GPC3: variants seen among roughly 807,000 people sequenced by gnomAD.
GPC3 encodes the protein glypican 3.
GPC3 carries 3 observed loss-of-function variants against 34.4 expected under a neutral mutation model. That is an observed-to-expected ratio of 0.09 (90% CI 0.04 to 0.23). The LOEUF (loss-of-function observed/expected upper bound fraction) is 0.23. Among genes scored for constraint, GPC3 ranks in the 10% least tolerant of loss-of-function variants. The probability of loss-of-function intolerance (pLI) is 1.00; values close to 1 mark genes in which losing one functional copy is unlikely to be tolerated. For missense variants in GPC3, 351 were observed against 445.6 expected, an observed-to-expected ratio of 0.79 and a Z score of 1.91; for synonymous variants, 177 against 174.0, an observed-to-expected ratio of 1.02 and a Z score of -0.13.
chrX:133,693,370 T>C (rs73559367), intron 4 of GPC3, among the ~76,000 whole-genome samples: 5,909 of 111,346 alleles, frequency 0.053, 409 homozygotes, highest in African/African-American at 0.18. Flanking sequence ...GAAGTGGATA[T>C]GTTTAAAAAG....
chrX:133,783,243 T>C (rs764320801), intron 2 of GPC3, among the ~76,000 whole-genome samples: 1 of 111,452 alleles, frequency 9.0e-6, no homozygotes, highest in East Asian at 2.8e-4. Flanking sequence ...AGTCACAACA[T>C]AGGTTGCATT....
chrX:133,690,477 C>G (rs763160749), intron 5 of GPC3, among the ~76,000 whole-genome samples: 1 of 111,172 alleles, frequency 9.0e-6, no homozygotes, highest in Admixed American at 9.6e-5. Flanking sequence ...AACTGAGAGG[C>G]AAATCCAAAT....
At chrX:133,776,798 G>A (rs961636132) in intron 2 of GPC3, among the ~76,000 whole-genome samples, 63 of 109,746 alleles carry the variant, frequency 5.7e-4, no homozygotes, top group African/African-American at 1.8e-3. Flanking sequence ...CACAGTCCAC[G>A]AACTTTGCTC....
intron 7 of GPC3, among the ~76,000 whole-genome samples, chrX:133,550,513 T>C (rs755682979): frequency 8.9e-6 from 1 of 112,014 alleles, no homozygotes; most frequent in South Asian, 3.8e-4. Flanking sequence ...CTGTGCTTCA[T>C]TGAAGAAAGA....
chrX:133,846,578 T>C (rs1176256051), intron 2 of GPC3, among the ~76,000 whole-genome samples: 1 of 111,625 alleles, frequency 9.0e-6, no homozygotes, highest in Non-Finnish European at 1.9e-5. Flanking sequence ...TACTGAACTT[T>C]TGAACTAGTC....
At chrX:133,568,806 C>G (rs1351080886) in intron 7 of GPC3, among the ~76,000 whole-genome samples, 1 of 110,694 alleles carries the variant, frequency 9.0e-6, no homozygotes, top group Non-Finnish European at 1.9e-5. Flanking sequence ...TAGAGAGGCA[C>G]AGAGGCATGG....
chrX:133,834,597 A>C (rs2075791190), intron 2 of GPC3, among the ~76,000 whole-genome samples: 1 of 112,101 alleles, frequency 8.9e-6, no homozygotes, highest in Admixed American at 9.5e-5. Flanking sequence ...TAAAGTGGGC[A>C]TGATAGCTAG....
chrX:133,632,907 G>C (rs937625045), intron 6 of GPC3, among the ~76,000 whole-genome samples: 14 of 111,243 alleles, frequency 1.3e-4, no homozygotes, highest in Non-Finnish European at 2.3e-4. Flanking sequence ...CACGCATGCT[G>C]TATTTGAGTA....
chrX:133,591,871 T>C (rs2069851770), intron 7 of GPC3, among the ~76,000 whole-genome samples: 1 of 111,928 alleles, frequency 8.9e-6, no homozygotes, highest in South Asian at 3.8e-4. Context: ...GCGGTATGTC[T>C]CAGGGATCAG....
intron 4 of GPC3, among the ~76,000 whole-genome samples, chrX:133,693,375 A>T (rs192706354): frequency 2.0e-3 from 218 of 111,776 alleles, no homozygotes; most frequent in African/African-American, 6.7e-3. Context: ...GGATATGTTT[A>T]AAAAGAAATA....
intron 2 of GPC3, among the ~76,000 whole-genome samples, chrX:133,840,502 G>A (rs2075819233): frequency 9.0e-6 from 1 of 111,027 alleles, no homozygotes; most frequent in Non-Finnish European, 1.9e-5. Flanking sequence ...CCTATCTCGC[G>A]AGGTTGTTGT....
intron 3 of GPC3, among the ~76,000 whole-genome samples, chrX:133,732,872 C>CT (rs776033013): frequency 9.0e-6 from 1 of 110,650 alleles, no homozygotes; most frequent in Admixed American, 9.6e-5. Context: ...TTCTTTCTTC[C>CT]TTTTGTTTTT....
At chrX:133,581,069 G>A (rs938584456) in intron 7 of GPC3, among the ~76,000 whole-genome samples, 1 of 112,407 alleles carries the variant, frequency 8.9e-6, no homozygotes, top group Non-Finnish European at 1.9e-5. Flanking sequence ...CTTCTACAGC[G>A]AGGCTGAACT....
At chrX:133,804,400 A>G (rs2075625880) in intron 2 of GPC3, among the ~76,000 whole-genome samples, 2 of 110,491 alleles carry the variant, frequency 1.8e-5, no homozygotes, top group African/African-American at 6.6e-5. Context: ...GTTTCAAGAC[A>G]TCTATACTAA....
rs987285983 is a variant in GPC3 at position 133,899,325 on chromosome X, G to C, written c.337+53725C>G. 2.7e-5 allele frequency among the ~76,000 whole-genome samples: 3 copies of C among 111,311 alleles called. No homozygotes were observed. In the Admixed American group the frequency reaches 2.9e-4, roughly 11 times the overall value. ...CAACATTGGCACATACTACAGAACA[G>C]AGCCCTGCTTCTCTGAGGCCACATC... is the stretch of plus-strand genomic sequence containing the variant. On this transcript the variant is annotated intron_variant, in intron 2 of 7. Coordinates refer to ENST00000370818, the MANE Select transcript of GPC3 (RefSeq NM_004484.4).
chrX:133,879,819 A>G (rs969028882), intron 2 of GPC3, among the ~76,000 whole-genome samples: 1 of 109,730 alleles, frequency 9.1e-6, no homozygotes, highest in African/African-American at 3.3e-5. Context: ...AAAAAAAAAA[A>G]GATGCAATTC....
Position 133,535,950 on chromosome X carries a change from AG to A in GPC3, c.*173del, listed in dbSNP as rs1448879712. The A allele has an allele frequency of 9.2e-6, 4 of 436,889 alleles. No individual in the cohort carries two copies. The highest frequency in any genetic ancestry group is 2.5e-5 in the African/African-American group (1 of 39,750). The allele number at this position is 436,889 out of a possible 1,213,427, so 36.0% of individuals were successfully genotyped here. On this transcript the variant is annotated 3_prime_UTR_variant, in exon 8 of 8. Transcript: ENST00000370818. ...CCACTAAAATGTATCTTCCTCCAAA[AG>A]ATACCATTTGATTTTCGAAAACATA...
chrX:133,956,194 T>C (rs1424694253), intron 1 of GPC3, among the ~76,000 whole-genome samples: 1 of 112,209 alleles, frequency 8.9e-6, no homozygotes, highest in Non-Finnish European at 1.9e-5. Flanking sequence ...AATGTCAAAA[T>C]ACCATTTGGG....
At position 133,842,339 on chromosome X, in the gene GPC3, T is replaced by A. The variant is rs1176240839; in HGVS notation, c.338-88163A>T. 4.8e-5 allele frequency among the ~76,000 whole-genome samples: 5 copies of A among 103,303 alleles called. No homozygotes were observed. In the East Asian group the frequency reaches 1.4e-3, roughly 30 times the overall value. 89.7% of individuals were successfully genotyped at this position (103,303 alleles called of 115,157 possible). On this transcript the variant is annotated intron_variant, in intron 2 of 7. Coordinates refer to ENST00000370818, the MANE Select transcript of GPC3 (RefSeq NM_004484.4). ...TCAAAAAAAAAATAATAATAATAAT[T>A]AAATTTTTAAAAACTCCCCTATATA...
Sources: allele counts gnomAD v4.1 joint callset (sites outside exome capture counted in the v4.1 genomes callset), GRCh38; gene constraint gnomAD v4.1.1; transcripts MANE v1.5; gene names NCBI Gene and HGNC (gene_info 2026-07-23, HGNC 2026-07-21).